Variants in ARHGAP24 observed in about 807,000 individuals in gnomAD.
ARHGAP24 encodes rho GTPase-activating protein 24.
In ARHGAP24, 50 loss-of-function variants were observed where a neutral mutation model predicts 76.4. That is an observed-to-expected ratio of 0.65 (90% CI 0.52 to 0.83). The LOEUF is 0.83. ARHGAP24 is among the 40% of genes least tolerant of loss of function. The pLI is 0.00. For missense variants in ARHGAP24, 930 were observed against 914.2 expected, an observed-to-expected ratio of 1.02 and a Z score of -0.22; for synonymous variants, 345 against 323.3, an observed-to-expected ratio of 1.07 and a Z score of -0.72.
At chr4:85,998,619 C>A (rs1047653053) in intron 9 of ARHGAP24, among the ~76,000 whole-genome samples, 4 of 151,986 alleles carry the variant, frequency 2.6e-5, no homozygotes, top group African/African-American at 9.7e-5. Context: ...TTGTTAACTT[C>A]TTTTTTCCAT....
chr4:85,813,122 T>C (rs186681940), intron 3 of ARHGAP24, among the ~76,000 whole-genome samples: 4 of 152,276 alleles, frequency 2.6e-5, no homozygotes, highest in Admixed American at 2.0e-4. Context: ...CAAGATGAGT[T>C]AGGAGCATGA....
intron 1 of ARHGAP24, among the ~76,000 whole-genome samples, chr4:85,528,007 G>A (rs1023984176): frequency 3.3e-5 from 5 of 152,058 alleles, no homozygotes; most frequent in African/African-American, 4.8e-5. Context: ...AAGGAGACAG[G>A]CATATAAACA....
chr4:85,882,559 G>A (rs1160610548), intron 3 of ARHGAP24, among the ~76,000 whole-genome samples: 1 of 152,126 alleles, frequency 6.6e-6, no homozygotes, highest in Non-Finnish European at 1.5e-5. Context: ...TTTACAAAAT[G>A]AGGAGCATGG....
At chr4:85,848,404 A>T (rs960157135) in intron 3 of ARHGAP24, among the ~76,000 whole-genome samples, 1 of 152,046 alleles carries the variant, frequency 6.6e-6, no homozygotes, top group East Asian at 1.9e-4. Flanking sequence ...TCATTGTTCA[A>T]TTCCCACCTA....
chr4:85,901,605 C>T (rs975430979), intron 3 of ARHGAP24, among the ~76,000 whole-genome samples: 2 of 152,136 alleles, frequency 1.3e-5, no homozygotes, highest in Non-Finnish European at 2.9e-5. Context: ...TTTATTTACT[C>T]AGAGCTTGAG....
intron 3 of ARHGAP24, among the ~76,000 whole-genome samples, chr4:85,783,783 G>A (rs1376569021): frequency 2.0e-5 from 3 of 151,664 alleles, no homozygotes; most frequent in Admixed American, 2.0e-4. Flanking sequence ...TTAAATAGCT[G>A]TCATTTTGTT....
At chr4:85,876,831 A>G (rs1732962415) in intron 3 of ARHGAP24, among the ~76,000 whole-genome samples, 1 of 152,150 alleles carries the variant, frequency 6.6e-6, no homozygotes, top group African/African-American at 2.4e-5. Flanking sequence ...TTGTTTTACC[A>G]CTTCATAATA....
rs1445946658 is a variant in ARHGAP24 at position 86,001,639 on chromosome 4, G to C, written c.*917G>C. 5.1e-6 allele frequency: 2 copies of C among 388,978 alleles called. No individual in the cohort carries two copies. 24.1% of individuals were successfully genotyped at this position (388,978 alleles called of 1,614,324 possible). On this transcript the variant is annotated 3_prime_UTR_variant, in exon 10 of 10. Transcript: ENST00000395184. Reference sequence around the variant, plus strand: ...TGCTTGCTAAACCATGCCCACGTGAGCACCTGTCTCCCACTCAAACCTCTC... The same window carrying C: ...TGCTTGCTAAACCATGCCCACGTGACCACCTGTCTCCCACTCAAACCTCTC...
chr4:85,815,564 A>G (rs2110117549), intron 3 of ARHGAP24, among the ~76,000 whole-genome samples: 2 of 152,322 alleles, frequency 1.3e-5, no homozygotes, highest in Middle Eastern at 6.8e-3. Flanking sequence ...GCTCCCAACA[A>G]GTTCCTCATT....
At chr4:85,564,410 G>C (rs997219264) in intron 1 of ARHGAP24, among the ~76,000 whole-genome samples, 1 of 149,260 alleles carries the variant, frequency 6.7e-6, no homozygotes, top group South Asian at 2.1e-4. Context: ...GGGGGAGCGG[G>C]GGGGATAGCA....
intron 3 of ARHGAP24, among the ~76,000 whole-genome samples, chr4:85,770,997 T>G (rs1382807609): frequency 6.6e-6 from 1 of 152,220 alleles, no homozygotes; most frequent in Non-Finnish European, 1.5e-5. Context: ...CCTGTGCTTA[T>G]TTTTTAAATA....
At chr4:85,774,190 A>G (rs752299504) in intron 3 of ARHGAP24, among the ~76,000 whole-genome samples, 2 of 152,132 alleles carry the variant, frequency 1.3e-5, no homozygotes, top group Non-Finnish European at 2.9e-5. Flanking sequence ...TTATCCAACA[A>G]TATGTTTGAG....
At chr4:85,958,786 C>T (rs1385721077) in intron 5 of ARHGAP24, among the ~76,000 whole-genome samples, 3 of 152,172 alleles carry the variant, frequency 2.0e-5, no homozygotes, top group African/African-American at 7.2e-5. Context: ...ATTTTTATCA[C>T]CCCAATAAGA....
intron 3 of ARHGAP24, among the ~76,000 whole-genome samples, chr4:85,768,706 G>A (rs1443081376): frequency 2.6e-5 from 4 of 152,126 alleles, no homozygotes; most frequent in Admixed American, 2.6e-4. Context: ...GAACCCAGGA[G>A]GCAGAGGTTG....
intron 2 of ARHGAP24, among the ~76,000 whole-genome samples, chr4:85,678,883 G>A (rs950930073): frequency 3.9e-5 from 6 of 152,268 alleles, no homozygotes; most frequent in South Asian, 2.1e-4. Context: ...AGAGGTGTCC[G>A]ATGCATGCTG....
At chr4:85,802,797 C>T (rs904736729) in intron 3 of ARHGAP24, among the ~76,000 whole-genome samples, 2 of 151,798 alleles carry the variant, frequency 1.3e-5, no homozygotes, top group African/African-American at 4.8e-5. Context: ...GTCTCAAAAA[C>T]GAACAAACAA....
chr4:85,657,264 G>A (rs1270254307), intron 2 of ARHGAP24, among the ~76,000 whole-genome samples: 1 of 152,120 alleles, frequency 6.6e-6, no homozygotes, highest in Non-Finnish European at 1.5e-5. Flanking sequence ...TTAGAATTGT[G>A]TTTTAATAAT....
chr4:85,805,595 C>T (rs921246925), intron 3 of ARHGAP24, among the ~76,000 whole-genome samples: 1 of 152,116 alleles, frequency 6.6e-6, no homozygotes, highest in African/African-American at 2.4e-5. Flanking sequence ...CAAATGATTC[C>T]CCTGCTGTTG....
chr4:85,727,080 C>T (rs13127367), intron 3 of ARHGAP24, among the ~76,000 whole-genome samples: 1 of 151,686 alleles, frequency 6.6e-6, no homozygotes, highest in African/African-American at 2.4e-5. Context: ...ATTAGCTGGG[C>T]GTGTTGGTGG....
Sources: allele counts gnomAD v4.1 joint callset (sites outside exome capture counted in the v4.1 genomes callset), GRCh38; gene constraint gnomAD v4.1.1; transcripts MANE v1.5; gene names NCBI Gene and HGNC (gene_info 2026-07-23, HGNC 2026-07-21).